Variants in ANK2 observed in about 807,000 individuals in gnomAD.
ANK2 encodes the protein ankyrin 2, also known as ankyrin-2.
In ANK2, 83 loss-of-function variants were observed where a neutral mutation model predicts 360.5. The ratio of observed to expected loss-of-function variants is 0.23; its 90% CI spans 0.19 to 0.28. ANK2 has a LOEUF of 0.28. Ranked by LOEUF, ANK2 falls within the 10% of genes least tolerant of loss-of-function variation. The pLI, the probability that ANK2 is intolerant of heterozygous loss-of-function variation, is 1.00. For missense variants in ANK2, 4,201 were observed against 4,795.7 expected (o/e 0.88, Z 3.66); for synonymous variants, 1,740 against 1,759.5 (o/e 0.99, Z 0.28).
chr4:112,905,300 C>T (rs1483780738), intron 2 of ANK2, among the ~76,000 whole-genome samples: 1 of 151,672 alleles, frequency 6.6e-6, no homozygotes, highest in Non-Finnish European at 1.5e-5. Flanking sequence ...GTTTCAGGTG[C>T]AATAAATAAC....
intron 1 of ANK2, among the ~76,000 whole-genome samples, chr4:113,107,328 T>G (rs1163900710): frequency 6.6e-6 from 1 of 152,134 alleles, no homozygotes; most frequent in African/African-American, 2.4e-5. Flanking sequence ...ACGATTCTCC[T>G]GCCTCAGCCT....
At chr4:113,186,584 CTCT>C (rs1486823691) in intron 2 of ANK2, among the ~76,000 whole-genome samples, 2,167 of 56,646 alleles carry the variant, frequency 0.038, 166 homozygotes, top group African/African-American at 0.11. Flanking sequence ...CTCTCTCTCT[CTCT>C]TCTCTCTCTC....
intron 1 of ANK2, among the ~76,000 whole-genome samples, chr4:112,839,658 T>G (rs2061688382): frequency 6.6e-6 from 1 of 152,188 alleles, no homozygotes; most frequent in South Asian, 2.1e-4. Context: ...AGGTGAAGTG[T>G]AAAGTAAAGG....
intron 1 of ANK2, among the ~76,000 whole-genome samples, chr4:113,133,791 G>A (rs1284407991): frequency 6.6e-6 from 1 of 151,982 alleles, no homozygotes; most frequent in Non-Finnish European, 1.5e-5. Flanking sequence ...ACTCCCTTTT[G>A]TCCAATGGAA....
intron 2 of ANK2, among the ~76,000 whole-genome samples, chr4:113,176,485 T>A (rs2098205751): frequency 6.6e-6 from 1 of 152,074 alleles, no homozygotes; most frequent in East Asian, 1.9e-4. Flanking sequence ...TGTGTTCTTT[T>A]GGACAAATAA....
At position 113,281,912 on chromosome 4, in the gene ANK2, A is replaced by T. The variant is rs29377; in HGVS notation, c.1882-763A>T. On this transcript the variant is annotated intron_variant, in intron 17 of 45. Coordinates refer to ENST00000357077, the MANE Select transcript of ANK2 (RefSeq NM_001148.6). ...ATCTAGGATTTGAATGGACCACAAG[A>T]TTCATATAAGCTAATTTTGTTGTTG... Among the ~76,000 whole-genome samples the T allele has an allele frequency of 7.9e-5, 12 of 152,292 alleles. No individual in the cohort carries two copies. The South Asian group carries it at 2.5e-3, about 32-fold the overall frequency.
At chr4:112,917,734 T>A (rs1246718161) in intron 2 of ANK2, among the ~76,000 whole-genome samples, 2 of 152,248 alleles carry the variant, frequency 1.3e-5, no homozygotes, top group African/African-American at 4.8e-5. Flanking sequence ...TCACATTAAG[T>A]AACCTCACAG....
intron 1 of ANK2, among the ~76,000 whole-genome samples, chr4:112,883,229 A>G (rs145168608): frequency 1.1e-3 from 167 of 151,046 alleles, no homozygotes; most frequent in Admixed American, 3.0e-3. Context: ...AGTAGAGATG[A>G]GGTTTTGCCA....
intron 2 of ANK2, among the ~76,000 whole-genome samples, chr4:112,919,670 C>T (rs908866563): frequency 1.3e-5 from 2 of 152,050 alleles, no homozygotes; most frequent in Non-Finnish European, 2.9e-5. Flanking sequence ...CGTAAACCAG[C>T]ATTTTATTCA....
At chr4:113,297,966 T>G (rs2072788426) in intron 22 of ANK2, among the ~76,000 whole-genome samples, 1 of 152,132 alleles carries the variant, frequency 6.6e-6, no homozygotes, top group South Asian at 2.1e-4. Context: ...TGTATTGTTT[T>G]GTAGAGACGG....
At chr4:113,343,992 A>G (rs755647625) in intron 34 of ANK2, among the ~76,000 whole-genome samples, 4 of 152,036 alleles carry the variant, frequency 2.6e-5, no homozygotes, top group Non-Finnish European at 5.9e-5. Context: ...TTTTCCAAAC[A>G]TGTGTCTGCA....
At chr4:112,731,569 G>A in the ANK2 span, among the ~76,000 whole-genome samples, 5 of 151,730 alleles carry the variant, frequency 3.3e-5, no homozygotes, top group African/African-American at 9.7e-5. Flanking sequence ...AATCTCTACA[G>A]AAAATACAAA....
chr4:113,228,224 G>C (rs1378604122), intron 4 of ANK2, among the ~76,000 whole-genome samples: 1 of 152,076 alleles, frequency 6.6e-6, no homozygotes, highest in Non-Finnish European at 1.5e-5. Context: ...GGGAACAGGT[G>C]GTGTTTAGTT....
intron 2 of ANK2, among the ~76,000 whole-genome samples, chr4:112,957,472 C>T (rs980209415): frequency 6.6e-6 from 1 of 152,250 alleles, no homozygotes; most frequent in Non-Finnish European, 1.5e-5. Flanking sequence ...CCTTTCCCCC[C>T]TTTCTATTCC....
intron 2 of ANK2, among the ~76,000 whole-genome samples, chr4:112,916,266 A>C (rs2089795190): frequency 6.6e-6 from 1 of 152,198 alleles, no homozygotes; most frequent in Non-Finnish European, 1.5e-5. Flanking sequence ...TATGGATATA[A>C]GTGACAAAAA....
chr4:112,756,240 A>G, the ANK2 span, among the ~76,000 whole-genome samples: 3,269 of 146,090 alleles, frequency 0.022, 139 homozygotes, highest in African/African-American at 0.086. Context: ...TCTGTCTCAA[A>G]AAAAAAAAAA....
intron 1 of ANK2, among the ~76,000 whole-genome samples, chr4:112,833,755 G>A (rs1307932915): frequency 2.6e-5 from 4 of 152,088 alleles, no homozygotes; most frequent in African/African-American, 7.2e-5. Flanking sequence ...CGCCCGCCTC[G>A]GCCTTCCAAA....
Position 113,049,701 on chromosome 4 carries a change from G to C in ANK2, c.-28G>C, listed in dbSNP as rs1298748582. The C allele has an allele frequency of 6.4e-7, 1 of 1,553,176 alleles. No homozygotes were observed. The highest frequency in any genetic ancestry group is 1.4e-5 in the African/African-American group (1 of 72,756). On this transcript the variant is annotated 5_prime_UTR_variant, in exon 1 of 46. Coordinates refer to ENST00000357077, the MANE Select transcript of ANK2 (RefSeq NM_001148.6). Reference sequence around the variant, plus strand: ...GTACAGGCGGCACGGTTTGATGGCAGAGATATTTTCTTTCCAAACTGTTCA... The same window carrying C: ...GTACAGGCGGCACGGTTTGATGGCACAGATATTTTCTTTCCAAACTGTTCA...
At position 113,211,898 on chromosome 4, in the gene ANK2, A is replaced by ATT. The variant is rs35039240; in HGVS notation, c.384+12796_384+12797dup. ...AAGTACAATGGCCTTTCTCAGAAGT[A>ATT]TTTTTTTTGTTCCTTTCTATACAGT... On this transcript the variant is annotated intron_variant, in intron 4 of 45. Coordinates refer to ENST00000357077, the MANE Select transcript of ANK2 (RefSeq NM_001148.6). Among the ~76,000 whole-genome samples the ATT allele has an allele frequency of 3.3e-5, 5 of 151,932 alleles. 1 individual carries two copies. The South Asian group carries it at 1.0e-3, about 32-fold the overall frequency.
Sources: gnomAD v4.1 joint callset for allele counts (sites outside exome capture counted in the v4.1 genomes callset) on GRCh38, gnomAD v4.1.1 for gene constraint, MANE v1.5 for transcripts, NCBI Gene and HGNC (gene_info 2026-07-23, HGNC 2026-07-21) for gene names.